The following SZT2 variants were observed in gnomAD, a reference collection of about 807,000 sequenced individuals.
The protein encoded by SZT2 is SZT2 subunit of KICSTOR complex.
In SZT2, 216 loss-of-function variants were observed where a neutral mutation model predicts 404.2. That is an observed-to-expected ratio of 0.53 (90% CI 0.48 to 0.60). SZT2 has a LOEUF of 0.60. Among genes scored for constraint, SZT2 ranks in the 20% least tolerant of loss-of-function variants. SZT2 has a pLI of 0.00. For missense variants in SZT2, 3,857 were observed against 4,459.2 expected (o/e 0.86, Z 3.85); for synonymous variants, 1,693 against 1,749.9 (o/e 0.97, Z 0.81).
chr1:43,395,446 A>G (rs1391442845), intron 1 of SZT2, among the ~76,000 whole-genome samples: 1 of 152,092 alleles, frequency 6.6e-6, no homozygotes, highest in African/African-American at 2.4e-5. Context: ...CTACAGCCAC[A>G]TGACACTACA....
chr1:43,424,141 A>G lies in SZT2; in HGVS notation c.2256-76A>G. The G allele has an allele frequency of 2.3e-6, 3 of 1,287,362 alleles. No individual in the cohort carries two copies. The highest frequency in any genetic ancestry group is 3.2e-6 in the Non-Finnish European group (3 of 928,006). The allele number at this position is 1,287,362 out of a possible 1,614,324, so 79.7% of individuals were successfully genotyped here. A position where few individuals can be genotyped will look rare whatever the true frequency, so the allele number is the denominator to read the frequency against. On this transcript the variant is annotated intron_variant, in intron 15 of 71. Coordinates refer to ENST00000634258, the MANE Select transcript of SZT2 (RefSeq NM_001365999.1). This position sits in a 1 kb window ranked among gnomAD's most constrained non-coding sequence, Gnocchi z 4.1. ...GAAGGGCGTGGCTTAGCCAGCTGTG[A>G]GTGGTACAGAGGTGTGGAAGGGCGT...
In SZT2 at chr1:43,441,957, T is replaced by G; in HGVS notation, c.7743-43T>G. The G allele has an allele frequency of 1.3e-6, 2 of 1,592,878 alleles. No individual in the cohort carries two copies. The highest frequency in any genetic ancestry group is 4.5e-5 in the East Asian group (2 of 44,524). The stretch of plus-strand genomic sequence containing the variant: ...GGGAGGTGAAGGCTAGGCCAGGGAG[T>G]GGTGTCATGGATGGCCTTTCTGTCT... On this transcript the variant is annotated intron_variant, in intron 55 of 71. Coordinates refer to ENST00000634258, the MANE Select transcript of SZT2 (RefSeq NM_001365999.1). The surrounding 1 kb of genome is among the most constrained non-coding windows in gnomAD (Gnocchi z 4.8).
Position 43,454,087 on chromosome 1 carries a change from G to A in SZT2, c.*3607G>A, listed in dbSNP as rs1333401374. On this transcript the variant is annotated 3_prime_UTR_variant, in exon 72 of 72. Transcript: ENST00000634258. The stretch of plus-strand genomic sequence containing the variant: ...GCCGAGCTCCAGGGCCTGAGAGCCG[G>A]ACGCGAAGCAAGAGAGAGCTGGCTG... 1.0e-5 allele frequency: 11 copies of A among 1,102,924 alleles called. No individual in the cohort carries two copies. In the South Asian group the frequency reaches 3.6e-4, roughly 36 times the overall value. The allele number at this position is 1,102,924 out of a possible 1,614,324, so 68.3% of individuals were successfully genotyped here.
chr1:43,432,537 A>G lies in SZT2; in HGVS notation c.5463A>G (p.Gln1821=). 3 of 1,610,298 alleles carry G rather than the reference A, an allele frequency of 1.9e-6. No individual in the cohort carries two copies. The highest frequency in any genetic ancestry group is 2.5e-6 in the Non-Finnish European group (3 of 1,178,182). ...CTCAGACCCTGACAGCCAGCCCCCAAGCACCTGGGTCCCCAGAGGATTCTG... is the reference window on the plus strand; with the variant it reads ...CTCAGACCCTGACAGCCAGCCCCCAGGCACCTGGGTCCCCAGAGGATTCTG... ...IEGETLTASP[Q]APGSPEDSEG... Residue 1821 remains glutamine, a synonymous_variant, in exon 38 of 72, where the codon CAA becomes CAG. Coordinates refer to ENST00000634258, the MANE Select transcript of SZT2 (RefSeq NM_001365999.1).
In SZT2 at chr1:43,426,423, G is replaced by A. The variant is rs766276074; in HGVS notation, c.3099G>A (p.Leu1033=). The part of the protein sequence containing the change: ...EGSCPANDMV[L]CLLHSCLGQE... Reference sequence around the variant, plus strand: ...CCTGTCCTGCCAACGACATGGTGCTGTGCCTGCTGCACAGCTGCCTGGGGC... The same window carrying A: ...CCTGTCCTGCCAACGACATGGTGCTATGCCTGCTGCACAGCTGCCTGGGGC... The change falls in exon 22 of 72, where the codon CTG becomes CTA. Residue 1033 remains leucine (L), a synonymous_variant. Transcript: ENST00000634258. This position sits in a 1 kb window ranked among gnomAD's most constrained non-coding sequence, Gnocchi z 4.9. The A allele has an allele frequency of 5.3e-5, 84 of 1,594,306 alleles. No homozygotes were observed. The highest frequency in any genetic ancestry group is 6.8e-5 in the Non-Finnish European group (80 of 1,178,122).
intron 4 of SZT2, among the ~76,000 whole-genome samples, chr1:43,407,390 T>C (rs1650447208): frequency 6.6e-6 from 1 of 151,812 alleles, no homozygotes; most frequent in Non-Finnish European, 1.5e-5. Context: ...ATGGTGCATA[T>C]CTGTAATCCC....
intron 37 of SZT2, 27 bp downstream of exon 37, chr1:43,432,466 G>T (rs1654016416): frequency 6.4e-6 from 10 of 1,566,162 alleles, no homozygotes; most frequent in Non-Finnish European, 7.8e-6. Flanking sequence ...AATGGAGGGG[G>T]GTGGTGGGTG....
In SZT2 at chr1:43,439,282, C is replaced by T; in HGVS notation, c.6793-76C>T. On this transcript the variant is annotated intron_variant, in intron 48 of 71. Coordinates refer to ENST00000634258, the MANE Select transcript of SZT2 (RefSeq NM_001365999.1). This position sits in a 1 kb window ranked among gnomAD's most constrained non-coding sequence, Gnocchi z 4.2. Reference sequence around the variant, plus strand: ...TCCCATATCTACCTGCACCACATTCCCCACTGTGGGCACCCATCCCCGAGG... The same window carrying T: ...TCCCATATCTACCTGCACCACATTCTCCACTGTGGGCACCCATCCCCGAGG... 1.3e-6 allele frequency: 2 copies of T among 1,560,548 alleles called. No individual in the cohort carries two copies. The highest frequency in any genetic ancestry group is 8.8e-7 in the Non-Finnish European group (1 of 1,132,916).
At chr1:43,415,905 G>T in intron 5 of SZT2, 55 bp from the exon 6 acceptor site, 3 of 1,550,918 alleles carry the variant, frequency 1.9e-6, no homozygotes, top group Non-Finnish European at 2.6e-6. Context: ...GCTTTGCTAT[G>T]GATGGGGCAG....
In SZT2 at chr1:43,403,200, C is replaced by G; in HGVS notation, c.51C>G (p.Phe17Leu). The G allele has an allele frequency of 1.2e-6, 2 of 1,614,092 alleles. No individual in the cohort carries two copies. Among genetic ancestry groups the G allele is most frequent in the African/African-American group, 1.3e-5 (1 of 74,972 alleles). Residue 17 changes from phenylalanine to leucine, a missense_variant, in exon 2 of 72, where the codon TTC (phenylalanine) becomes TTG (leucine). Phe to Leu is a conservative substitution (Grantham distance 22). Transcript: ENST00000634258. ...AGGTGGAAGAAGCTGGGCAGGTGTTCCTGTTAATGAAAAAGGATTATCGAA... is the reference window on the plus strand; with the variant it reads ...AGGTGGAAGAAGCTGGGCAGGTGTTGCTGTTAATGAAAAAGGATTATCGAA... ...EPEVEEAGQV[F>L]LLMKKDYRIS... is the part of the protein sequence containing the mutation.
intron 42 of SZT2, chr1:43,436,705 G>A (rs1039041040): frequency 5.9e-6 from 1 of 168,444 alleles, no homozygotes; most frequent in Non-Finnish European, 1.3e-5. Context: ...TACCCTTTGG[G>A]TTTATTGGCG....
At position 43,441,381 on chromosome 1, in the gene SZT2, GTA is replaced by G. The variant is rs1351512636; in HGVS notation, c.7511+3_7511+4del. Reference sequence around the variant, plus strand: ...CAGATTCTGGAGCCCAGAGACAAAAGTATGTGTGTGGTGGTGGTGTGCCCTGG... The same window carrying G: ...CAGATTCTGGAGCCCAGAGACAAAAGTGTGTGTGGTGGTGGTGTGCCCTGG... On this transcript the variant is annotated splice_donor_variant and splice_donor_region_variant and intron_variant, in intron 53 of 71. Transcript: ENST00000634258. LOFTEE classifies it high-confidence loss of function. The surrounding 1 kb of genome is among the most constrained non-coding windows in gnomAD (Gnocchi z 4.8). 2 of 1,613,972 alleles carry G rather than the reference GTA, an allele frequency of 1.2e-6. No individual in the cohort carries two copies. The highest frequency in any genetic ancestry group is 1.7e-6 in the Non-Finnish European group (2 of 1,179,976).
chr1:43,418,539 C>T (rs1488546621), intron 7 of SZT2, among the ~76,000 whole-genome samples: 2 of 152,160 alleles, frequency 1.3e-5, no homozygotes, highest in Non-Finnish European at 2.9e-5. Context: ...GAAGAAGGAA[C>T]AGTATTAAGG....
At position 43,403,216 on chromosome 1, in the gene SZT2, G is replaced by T; in HGVS notation, c.67G>T (p.Asp23Tyr). Residue 23 changes from aspartate to tyrosine, a missense_variant, in exon 2 of 72, where the codon GAT becomes TAT. By Grantham distance (160) the Asp-to-Tyr change is radical (BLOSUM62 -3). This residue lies in a region of SZT2 where 536 missense variants were observed against 637.4 expected (regional missense o/e 0.84). Coordinates refer to ENST00000634258, the MANE Select transcript of SZT2 (RefSeq NM_001365999.1). ...GCAGGTGTTCCTGTTAATGAAAAAG[G>T]ATTATCGAATCTCCCGAAATGTTCG... ...AGQVFLLMKKDYRISRNVRLA... is the reference protein window; with the variant it reads ...AGQVFLLMKKYYRISRNVRLA... 6.2e-7 allele frequency: 1 copy of T among 1,614,152 alleles called. No homozygotes were observed. The highest frequency in any genetic ancestry group is 2.2e-5 in the East Asian group (1 of 44,880).
chr1:43,390,583 T>A (rs1242042843), intron 1 of SZT2, among the ~76,000 whole-genome samples: 2 of 152,230 alleles, frequency 1.3e-5, no homozygotes, highest in African/African-American at 4.8e-5. Context: ...GAGAATCACA[T>A]GTAATAAACC....
chr1:43,401,733 G>A (rs915321835), intron 1 of SZT2, among the ~76,000 whole-genome samples: 1 of 152,082 alleles, frequency 6.6e-6, no homozygotes, highest in Non-Finnish European at 1.5e-5. Flanking sequence ...TGATCCACCC[G>A]CCTCGGCCTC....
At chr1:43,412,867 T>G (rs1651238065) in intron 4 of SZT2, 1 of 152,298 alleles carries the variant, frequency 6.6e-6, no homozygotes, top group Admixed American at 6.5e-5. Flanking sequence ...TAGACATTTC[T>G]CAAAAGAAGG....
In SZT2 at chr1:43,426,529, C is replaced by T; in HGVS notation, c.3205C>T (p.His1069Tyr). 1 of 1,577,156 alleles carries T rather than the reference C, an allele frequency of 6.3e-7. No homozygotes were observed. The highest frequency in any genetic ancestry group is 8.6e-7 in the Non-Finnish European group (1 of 1,168,858). Reference sequence around the variant, plus strand: ...GAGTGAGGTGCTGCGGCGGACCTGCCACGTTCCAGGTGAGTTCCCCACATC... The same window carrying T: ...GAGTGAGGTGCTGCGGCGGACCTGCTACGTTCCAGGTGAGTTCCCCACATC... The part of the protein sequence containing the change: ...FLSEVLRRTC[H>Y]VPGAEGPLLG... Residue 1069 changes from histidine (H) to tyrosine (Y), a missense_variant, in exon 22 of 72, where the codon CAC becomes TAC. Coordinates refer to ENST00000634258, the MANE Select transcript of SZT2 (RefSeq NM_001365999.1). The surrounding 1 kb of genome is among the most constrained non-coding windows in gnomAD (Gnocchi z 4.9).
Position 43,424,700 on chromosome 1 carries a change from G to T in SZT2, c.2472-84G>T. ...TTGGCTCCTTGAGGACTGCTGGGAGGTGGGTGTATGTGGGGAGAGCTTGTA... is the reference window on the plus strand; with the variant it reads ...TTGGCTCCTTGAGGACTGCTGGGAGTTGGGTGTATGTGGGGAGAGCTTGTA... On this transcript the variant is annotated intron_variant, in intron 16 of 71. Transcript: ENST00000634258. The surrounding 1 kb of genome is among the most constrained non-coding windows in gnomAD (Gnocchi z 4.1). The T allele has an allele frequency of 1.7e-6, 2 of 1,200,876 alleles. No individual in the cohort carries two copies. Among genetic ancestry groups the T allele is most frequent in the South Asian group, 2.6e-5 (2 of 77,784 alleles). 74.4% of individuals were successfully genotyped at this position (1,200,876 alleles called of 1,614,324 possible).
Sources: allele counts gnomAD v4.1 joint callset (sites outside exome capture counted in the v4.1 genomes callset), GRCh38; gene constraint gnomAD v4.1.1; regional missense constraint gnomAD v4.1.1; non-coding constraint Gnocchi (gnomAD v3.1); transcripts MANE v1.5; gene names NCBI Gene and HGNC (gene_info 2026-07-23, HGNC 2026-07-21).